Variants in CMKLR2 observed in about 807,000 individuals in gnomAD.
CMKLR2 encodes chemerin-like receptor 2.
In CMKLR2, 18 loss-of-function variants were observed where a neutral mutation model predicts 23.0. That is an observed-to-expected ratio of 0.78 (90% confidence interval 0.54 to 1.16). The LOEUF is 1.16. Ranked by LOEUF, CMKLR2 falls within the 50% of genes most tolerant of loss-of-function variation. CMKLR2 has a pLI of 0.00. For synonymous variants in CMKLR2, 158 were observed against 158.9 expected, an observed-to-expected ratio of 0.99 and a Z score of 0.05; for missense variants, 401 against 412.7, an observed-to-expected ratio of 0.97 and a Z score of 0.25.
intron 1 of CMKLR2, among the ~76,000 whole-genome samples, chr2:206,199,649 G>A (rs997607895): frequency 1.3e-5 from 2 of 150,648 alleles, no homozygotes; most frequent in Non-Finnish European, 2.9e-5. Flanking sequence ...AGGCTGGAGT[G>A]CAGTGGCTCA....
chr2:206,187,427 A>G (rs546679320), intron 1 of CMKLR2, among the ~76,000 whole-genome samples: 48 of 152,344 alleles, frequency 3.2e-4, no homozygotes, highest in African/African-American at 1.1e-3. Flanking sequence ...ATCTGTGGAG[A>G]TTAGATCGTG....
intron 1 of CMKLR2, among the ~76,000 whole-genome samples, chr2:206,202,531 G>T (rs1015657916): frequency 6.6e-6 from 1 of 152,128 alleles, no homozygotes; most frequent in African/African-American, 2.4e-5. Context: ...CGCAATAATG[G>T]TTCACTGCAG....
At chr2:206,199,503 C>T (rs898661027) in intron 1 of CMKLR2, among the ~76,000 whole-genome samples, 2 of 151,924 alleles carry the variant, frequency 1.3e-5, no homozygotes, top group African/African-American at 2.4e-5. Context: ...GGGAAAAGAT[C>T]CTGGTTCAAT....
At chr2:206,184,137 G>A (rs13401393) in intron 1 of CMKLR2, among the ~76,000 whole-genome samples, 1 of 152,046 alleles carries the variant, frequency 6.6e-6, no homozygotes, top group Non-Finnish European at 1.5e-5. Flanking sequence ...CATGTGTTAC[G>A]CTGATCTCTG....
chr2:206,197,592 G>T (rs193157890), intron 1 of CMKLR2, among the ~76,000 whole-genome samples: 3 of 152,320 alleles, frequency 2.0e-5, no homozygotes, highest in South Asian at 2.1e-4. Context: ...TGAATGGAAT[G>T]GGGTTCATTA....
intron 1 of CMKLR2, among the ~76,000 whole-genome samples, chr2:206,193,927 T>TC (rs1315435368): frequency 2.0e-5 from 3 of 152,228 alleles, no homozygotes; most frequent in Non-Finnish European, 2.9e-5. Flanking sequence ...TCACTCATTG[T>TC]CAGTGACATT....
intron 1 of CMKLR2, among the ~76,000 whole-genome samples, chr2:206,184,337 C>T (rs1488520547): frequency 6.7e-6 from 1 of 149,460 alleles, no homozygotes; most frequent in African/African-American, 2.5e-5. Flanking sequence ...GCTCTTGTTG[C>T]CTAGGCTTGA....
intron 1 of CMKLR2, among the ~76,000 whole-genome samples, chr2:206,200,104 GAA>G (rs1454321524): frequency 1.3e-5 from 2 of 152,180 alleles, no homozygotes. Context: ...TGAGGGAAAT[GAA>G]AGTGACCTTC....
intron 1 of CMKLR2, among the ~76,000 whole-genome samples, chr2:206,207,210 G>A (rs1017838627): frequency 4.1e-5 from 6 of 147,902 alleles, no homozygotes; most frequent in African/African-American, 1.5e-4. Context: ...GAGTGCAGTG[G>A]CATGATCTTG....
At chr2:206,201,094 G>A (rs1368795207) in intron 1 of CMKLR2, among the ~76,000 whole-genome samples, 1 of 152,052 alleles carries the variant, frequency 6.6e-6, no homozygotes, top group Non-Finnish European at 1.5e-5. Context: ...TGAGATTACA[G>A]GCACCCACCA....
chr2:206,208,625 A>T (rs76851755), intron 1 of CMKLR2, among the ~76,000 whole-genome samples: 1 of 152,098 alleles, frequency 6.6e-6, no homozygotes, highest in African/African-American at 2.4e-5. Flanking sequence ...AAATATTTAC[A>T]TATATAAATA....
chr2:206,204,839 G>A (rs6715398), intron 1 of CMKLR2, among the ~76,000 whole-genome samples: 65,168 of 152,044 alleles, frequency 0.43, 14,935 homozygotes, highest in Non-Finnish European at 0.5. Flanking sequence ...GTAAAGCTAC[G>A]CTGTGTTCAT....
At chr2:206,199,168 G>A (rs1689011675) in intron 1 of CMKLR2, among the ~76,000 whole-genome samples, 1 of 152,190 alleles carries the variant, frequency 6.6e-6, no homozygotes, top group Non-Finnish European at 1.5e-5. Flanking sequence ...AGGCCCAGGT[G>A]GGCAGATTAC....
Position 206,183,143 on chromosome 2 carries a change from G to A in CMKLR2, c.-28-5868C>T, listed in dbSNP as rs572278948. ...AAACTTTGTCTTTTCTGTGTACTAG[G>A]ACATCCTTACCTTACAGGTGCCTAT... On this transcript the variant is annotated intron_variant, in intron 1 of 1. Coordinates refer to ENST00000621141, the MANE Select transcript of CMKLR2 (RefSeq NM_001389445.1). Among the ~76,000 whole-genome samples, 15 of 152,186 alleles carry A rather than the reference G, an allele frequency of 9.9e-5. 1 individual carries two copies. In the South Asian group the frequency reaches 3.1e-3, roughly 32 times the overall value.
rs1257831085 is a variant in CMKLR2 at position 206,210,017 on chromosome 2, G to A, written c.-29+3290C>T. ...CTCACTCTGTCACCCAGACTGGAGG[G>A]CAGTGGCATAATCTCGGCTCACTGC... is the stretch of plus-strand genomic sequence containing the variant. On this transcript the variant is annotated intron_variant, in intron 1 of 1. Transcript: ENST00000621141. 3.3e-5 allele frequency among the ~76,000 whole-genome samples: 5 copies of A among 150,328 alleles called. No homozygotes were observed. In the East Asian group the frequency reaches 7.8e-4, roughly 23 times the overall value.
intron 1 of CMKLR2, among the ~76,000 whole-genome samples, chr2:206,202,085 T>C (rs970346373): frequency 8.5e-5 from 13 of 152,224 alleles, no homozygotes; most frequent in Non-Finnish European, 1.6e-4. Context: ...GCACCTACTA[T>C]GTATTCTAGG....
chr2:206,199,911 C>G (rs1689039812), intron 1 of CMKLR2, among the ~76,000 whole-genome samples: 1 of 152,078 alleles, frequency 6.6e-6, no homozygotes, highest in African/African-American at 2.4e-5. Flanking sequence ...TACCTATTCT[C>G]TAACCAGTGG....
intron 1 of CMKLR2, among the ~76,000 whole-genome samples, chr2:206,208,310 A>T (rs10185726): frequency 6.6e-6 from 1 of 152,226 alleles, no homozygotes; most frequent in African/African-American, 2.4e-5. Flanking sequence ...GGAGGCAGAG[A>T]TGGGAGGATT....
Position 206,177,211 on chromosome 2 carries a change from C to T in CMKLR2, c.37G>A (p.Glu13Lys). 1 of 1,606,990 alleles carries T rather than the reference C, an allele frequency of 6.2e-7. No homozygotes were observed. Among genetic ancestry groups the T allele is most frequent in the Non-Finnish European group, 8.5e-7 (1 of 1,176,966 alleles). Residue 13 changes from glutamate to lysine, a missense_variant, in exon 2 of 2, where the codon GAA (glutamate) becomes AAA (lysine). Glu to Lys is a moderately conservative substitution (Grantham distance 56, BLOSUM62 1). Coordinates refer to ENST00000621141, the MANE Select transcript of CMKLR2 (RefSeq NM_001389445.1). Reference protein sequence around the residue: ...DLEETLFEEFENYSYDLDYYS... With the variant: ...DLEETLFEEFKNYSYDLDYYS... ...TAGTCTAGGTCATAGGAATAGTTTT[C>T]AAATTCTTCAAATAATGTTTCCTCC...
Sources: allele counts gnomAD v4.1 joint callset (sites outside exome capture counted in the v4.1 genomes callset), GRCh38; gene constraint gnomAD v4.1.1; transcripts MANE v1.5; gene names NCBI Gene and HGNC (gene_info 2026-07-23, HGNC 2026-07-21).